Variants in CDYL observed in about 807,000 individuals in gnomAD.
The protein encoded by CDYL is chromodomain Y-like protein.
A neutral mutation model predicts 47.3 loss-of-function variants in CDYL; 8 were observed. That is an observed-to-expected ratio of 0.17 (90% confidence interval 0.10 to 0.31). CDYL has a LOEUF of 0.31. CDYL is among the 10% of genes least tolerant of loss of function. CDYL has a pLI of 1.00. For missense variants in CDYL, 471 were observed against 701.4 expected (o/e 0.67, Z 3.71); for synonymous variants, 266 against 265.0 (o/e 1.00, Z -0.04).
At chr6:4,717,775 GGTT>G (rs1361251438) in intron 2 of CDYL, among the ~76,000 whole-genome samples, 1 of 146,212 alleles carries the variant, frequency 6.8e-6, no homozygotes, top group East Asian at 2.0e-4. Flanking sequence ...TGTTTTGTTA[GGTT>G]TTTTTGGTTT....
intron 3 of CDYL, among the ~76,000 whole-genome samples, chr6:4,747,396 C>T (rs145562606): frequency 6.6e-6 from 1 of 151,616 alleles, no homozygotes; most frequent in African/African-American, 2.4e-5. Flanking sequence ...GGATTTGAAT[C>T]CATAGAAGAG....
chr6:4,756,751 A>G (rs1758081627), intron 3 of CDYL, among the ~76,000 whole-genome samples: 1 of 152,164 alleles, frequency 6.6e-6, no homozygotes, highest in Admixed American at 6.6e-5. Context: ...AAAGAAAGCA[A>G]ATTACTTTGA....
chr6:4,952,577 G>A (rs1193954749), intron 6 of CDYL, among the ~76,000 whole-genome samples, 168 bp downstream of exon 6: 2 of 152,110 alleles, frequency 1.3e-5, no homozygotes, highest in African/African-American at 2.4e-5. Flanking sequence ...CCCCACGCAC[G>A]CCTTGCCTTC....
chr6:4,867,178 G>T (rs1411866700), intron 1 of CDYL, among the ~76,000 whole-genome samples: 1 of 151,676 alleles, frequency 6.6e-6, no homozygotes, highest in East Asian at 1.9e-4. Context: ...TGTTTTGTTT[G>T]TTGTTTCTGG....
intron 3 of CDYL, among the ~76,000 whole-genome samples, chr6:4,739,350 T>C (rs1368719813): frequency 2.0e-5 from 3 of 151,316 alleles, no homozygotes; most frequent in Non-Finnish European, 4.4e-5. Flanking sequence ...AAACCCTGTT[T>C]CTACTAAAAA....
chr6:4,774,259 G>C (rs1386362317), upstream of CDYL, among the ~76,000 whole-genome samples: 1 of 152,158 alleles, frequency 6.6e-6, no homozygotes, highest in Non-Finnish European at 1.5e-5. Flanking sequence ...GATTTTTCTT[G>C]AGGGATTTTA....
intron 2 of CDYL, among the ~76,000 whole-genome samples, chr6:4,912,255 A>G (rs1581258561): frequency 6.6e-6 from 1 of 151,954 alleles, no homozygotes; most frequent in South Asian, 2.1e-4. Flanking sequence ...CCTGACCATT[A>G]GGAAAAATGT....
intron 2 of CDYL, among the ~76,000 whole-genome samples, chr6:4,721,362 A>C (rs1757365930): frequency 2.0e-5 from 3 of 149,668 alleles, no homozygotes; most frequent in Admixed American, 2.0e-4. Flanking sequence ...TTTCTGGGGG[A>C]GGGGAGGGGA....
chr6:4,778,660 G>C (rs1365696782), intron 1 of CDYL, among the ~76,000 whole-genome samples: 1 of 152,138 alleles, frequency 6.6e-6, no homozygotes, highest in African/African-American at 2.4e-5. Flanking sequence ...TTTTGATTCT[G>C]AGTTTTATTT....
intron 2 of CDYL, among the ~76,000 whole-genome samples, chr6:4,902,816 T>G (rs114493802): frequency 0.03 from 4,548 of 152,276 alleles, 244 homozygotes; most frequent in African/African-American, 0.1. Flanking sequence ...GTACTTAGAT[T>G]GGATGGATGG....
chr6:4,742,745 A>G (rs1757819430), intron 3 of CDYL, among the ~76,000 whole-genome samples: 1 of 152,212 alleles, frequency 6.6e-6, no homozygotes, highest in African/African-American at 2.4e-5. Flanking sequence ...CATTGCCCCC[A>G]TGGCCTCTGG....
In CDYL at chr6:4,935,710, A is replaced by T; in HGVS notation, c.887A>T (p.Asp296Val). ...AGAGATATTGTGGTCAGGAAGCAGG[A>T]TGGCTTCACCCACATCTTGTTATCC... Reference protein sequence around the residue: ...RYRDIVVRKQDGFTHILLSTK... With the variant: ...RYRDIVVRKQVGFTHILLSTK... Residue 296 changes from aspartate (D) to valine (V), a missense_variant, in exon 3 of 7, where the codon GAT (aspartate) becomes GTT (valine). By Grantham distance (152) the Asp-to-Val change is radical. Transcript: ENST00000397588. The T allele has an allele frequency of 6.2e-7, 1 of 1,614,266 alleles. No homozygotes were observed. Among genetic ancestry groups the T allele is most frequent in the Non-Finnish European group, 8.5e-7 (1 of 1,180,046 alleles).
chr6:4,760,077 C>T (rs959806014), intron 3 of CDYL, among the ~76,000 whole-genome samples: 3 of 151,874 alleles, frequency 2.0e-5, no homozygotes, highest in Non-Finnish European at 4.4e-5. Context: ...GCTAGTCCAT[C>T]AACCTGGGGT....
intron 1 of CDYL, among the ~76,000 whole-genome samples, chr6:4,841,948 G>T (rs1427399528): frequency 2.1e-5 from 3 of 145,616 alleles, no homozygotes; most frequent in Non-Finnish European, 4.5e-5. Context: ...TTGTTTCTTT[G>T]TTGACTTTAT....
intron 1 of CDYL, among the ~76,000 whole-genome samples, chr6:4,708,206 C>A (rs1757082830): frequency 6.6e-6 from 1 of 152,220 alleles, no homozygotes; most frequent in African/African-American, 2.4e-5. Context: ...GAGACAGAAT[C>A]TTGCTCTGTC....
At chr6:4,944,541 C>T (rs1758456078) in intron 5 of CDYL, among the ~76,000 whole-genome samples, 3 of 152,236 alleles carry the variant, frequency 2.0e-5, no homozygotes, top group Admixed American at 2.0e-4. Context: ...AGCCAGGCCT[C>T]CCCAGGAGCG....
rs186307832 is a variant in CDYL at position 4,879,954 on chromosome 6, C to T, written c.25-11759C>T. The stretch of plus-strand genomic sequence containing the variant: ...AGAGATTTCCCTATACCCTCTCGCA[C>T]GCCCCTACACACATACAGCCTCCCT... On this transcript the variant is annotated intron_variant, in intron 1 of 6. Coordinates refer to ENST00000397588, the MANE Select transcript of CDYL (RefSeq NM_004824.4). Among the ~76,000 whole-genome samples the T allele has an allele frequency of 2.2e-3, 329 of 152,224 alleles. 1 individual carries two copies. Among genetic ancestry groups the T allele is most frequent in the African/African-American group, 7.2e-3 (301 of 41,546 alleles).
chr6:4,824,809 G>T (rs1470471926), intron 1 of CDYL, among the ~76,000 whole-genome samples: 1 of 151,884 alleles, frequency 6.6e-6, no homozygotes, highest in African/African-American at 2.4e-5. Context: ...GACTTTCTGG[G>T]ACCTTTTGCA....
At chr6:4,837,368 A>T (rs987101804) in intron 1 of CDYL, among the ~76,000 whole-genome samples, 21 of 152,316 alleles carry the variant, frequency 1.4e-4, no homozygotes, top group East Asian at 3.9e-4. Context: ...TATTAAAAAA[A>T]TTTTCAAAAA....
Sources: gnomAD v4.1 joint callset for allele counts (sites outside exome capture counted in the v4.1 genomes callset) on GRCh38, gnomAD v4.1.1 for gene constraint, MANE v1.5 for transcripts, NCBI Gene and HGNC (gene_info 2026-07-23, HGNC 2026-07-21) for gene names.